The following CLDN14 variants were observed in gnomAD, a reference collection of about 807,000 sequenced individuals.
CLDN14 encodes the protein claudin-14.
A neutral mutation model predicts 2.1 loss-of-function variants in CLDN14; 2 were observed. The observed-to-expected ratio is 0.96, with a 90% CI of 0.39 to 3.01. The LOEUF is 3.01. CLDN14 is among the 30% of genes most tolerant of loss of function. CLDN14 has a pLI of 0.09. For missense variants in CLDN14, 298 were observed against 328.0 expected (o/e 0.91, Z 0.71); for synonymous variants, 136 against 154.4 (o/e 0.88, Z 0.88).
At position 36,504,818 on chromosome 21, in the gene CLDN14, A is replaced by G. The variant is rs983500920; in HGVS notation, c.-82+5545T>C. Among the ~76,000 whole-genome samples, 4 of 152,336 alleles carry G rather than the reference A, an allele frequency of 2.6e-5. No homozygotes were observed. In the South Asian group the frequency reaches 8.3e-4, roughly 32 times the overall value. ...TAAAACTTGAAGGAAAGAGTATGAC[A>G]TCTTCTGATTTGAAGACAGCAGATC... On this transcript the variant is annotated intron_variant, in intron 2 of 2. Transcript: ENST00000342108.
chr21:36,565,053 G>C (rs921723250), intron 1 of CLDN14, among the ~76,000 whole-genome samples: 1 of 152,234 alleles, frequency 6.6e-6, no homozygotes, highest in African/African-American at 2.4e-5. Context: ...CATTTGTGTA[G>C]TTTTAAGCCA....
chr21:36,481,086 A>G (rs1024997450), upstream of CLDN14: 1 of 152,212 alleles, frequency 6.6e-6, no homozygotes, highest in African/African-American at 2.4e-5. Context: ...AACAGTCACA[A>G]ACAAAAACAA....
intron 1 of CLDN14, among the ~76,000 whole-genome samples, chr21:36,467,635 A>G (rs868365445): frequency 5.5e-5 from 8 of 145,762 alleles, no homozygotes; most frequent in Non-Finnish European, 1.0e-4. Flanking sequence ...TAGTCAAATA[A>G]GTTTAATGGA....
chr21:36,486,287 A>G, intron 2 of CLDN14: 3 of 782,786 alleles, frequency 3.8e-6, no homozygotes, highest in East Asian at 2.5e-5. Context: ...GAAGTCCGGT[A>G]TGGCCAAACT....
At chr21:36,468,299 G>A (rs372233426) in intron 1 of CLDN14, among the ~76,000 whole-genome samples, 133 of 152,314 alleles carry the variant, frequency 8.7e-4, no homozygotes, top group African/African-American at 3.0e-3. Context: ...GCTTTAGGCT[G>A]GAGATGGTGG....
At position 36,498,739 on chromosome 21, in the gene CLDN14, C is replaced by T. The variant is rs1239224054; in HGVS notation, c.-82+11624G>A. 6.6e-6 allele frequency among the ~76,000 whole-genome samples: 1 copy of T among 152,196 alleles called. No homozygotes were observed. Among genetic ancestry groups the T allele is most frequent in the East Asian group, 1.9e-4 (1 of 5,186 alleles). On this transcript the variant is annotated intron_variant, in intron 2 of 2. Transcript: ENST00000342108. This position sits in a 1 kb window ranked among gnomAD's most constrained non-coding sequence, Gnocchi z 4.9. ...GCACCTCTCAGCTGGCCTTCAGCTC[C>T]AATACAGACACGGGAAAACCAGTCT...
intron 1 of CLDN14, among the ~76,000 whole-genome samples, chr21:36,522,131 C>T (rs892894655): frequency 6.6e-6 from 1 of 152,314 alleles, no homozygotes; most frequent in South Asian, 2.1e-4. Context: ...TCATAGCCCA[C>T]TCCCTGGCCC....
chr21:36,519,075 C>T (rs974152907), intron 1 of CLDN14, among the ~76,000 whole-genome samples: 4 of 152,212 alleles, frequency 2.6e-5, no homozygotes, highest in Non-Finnish European at 4.4e-5. Flanking sequence ...CTTCACACCA[C>T]GAGGACCTCA....
intron 1 of CLDN14, among the ~76,000 whole-genome samples, chr21:36,529,440 C>A (rs1195873439): frequency 6.6e-6 from 1 of 152,142 alleles, no homozygotes; most frequent in Non-Finnish European, 1.5e-5. Flanking sequence ...AGGCACCCAC[C>A]ACTACGCACA....
At chr21:36,555,907 A>G (rs1219462233) in intron 1 of CLDN14, among the ~76,000 whole-genome samples, 2 of 151,944 alleles carry the variant, frequency 1.3e-5, no homozygotes, top group Non-Finnish European at 2.9e-5. Flanking sequence ...CTTTTTGCAC[A>G]GTGAATCTGA....
At chr21:36,549,545 C>A (rs1182232632) in intron 1 of CLDN14, among the ~76,000 whole-genome samples, 1 of 152,188 alleles carries the variant, frequency 6.6e-6, no homozygotes, top group East Asian at 1.9e-4. Context: ...CTGTGGAGAA[C>A]AAATCACCTC....
intron 1 of CLDN14, among the ~76,000 whole-genome samples, chr21:36,546,996 C>A (rs1167445928): frequency 1.3e-5 from 2 of 152,166 alleles, no homozygotes; most frequent in African/African-American, 4.8e-5. Context: ...AGCGATGCTG[C>A]TCAATGCCCT....
intron 1 of CLDN14, among the ~76,000 whole-genome samples, chr21:36,519,482 G>A (rs918994157): frequency 1.3e-5 from 2 of 151,972 alleles, no homozygotes; most frequent in African/African-American, 2.4e-5. Flanking sequence ...AGGCTGAGGC[G>A]GGTGGATCAC....
intron 2 of CLDN14, among the ~76,000 whole-genome samples, chr21:36,507,492 G>T (rs1001898809): frequency 1.3e-5 from 2 of 152,190 alleles, no homozygotes; most frequent in Non-Finnish European, 2.9e-5. Context: ...GACCGGACGT[G>T]GTGGCTCACA....
At chr21:36,554,330 G>T (rs916004490) in intron 1 of CLDN14, among the ~76,000 whole-genome samples, 2 of 152,134 alleles carry the variant, frequency 1.3e-5, no homozygotes, top group Non-Finnish European at 1.5e-5. Flanking sequence ...CCTGCTGCAG[G>T]CCTGGTCCCT....
chr21:36,507,080 A>T (rs1321711952), intron 2 of CLDN14, among the ~76,000 whole-genome samples: 3 of 151,958 alleles, frequency 2.0e-5, no homozygotes, highest in African/African-American at 7.3e-5. Flanking sequence ...CTATGATCAC[A>T]CCACTGCACT....
At chr21:36,541,409 T>C (rs1029863254) in intron 1 of CLDN14, among the ~76,000 whole-genome samples, 1 of 152,168 alleles carries the variant, frequency 6.6e-6, no homozygotes, top group Non-Finnish European at 1.5e-5. Context: ...GAATCATATC[T>C]AAGTCCTAAT....
chr21:36,549,251 T>C (rs951105014), intron 1 of CLDN14, among the ~76,000 whole-genome samples: 3 of 144,202 alleles, frequency 2.1e-5, no homozygotes, highest in Non-Finnish European at 4.6e-5. Flanking sequence ...ACTTTTATAT[T>C]CCTTCATGTG....
intron 1 of CLDN14, among the ~76,000 whole-genome samples, chr21:36,522,490 C>T (rs2087278627): frequency 6.6e-6 from 1 of 152,158 alleles, no homozygotes; most frequent in Non-Finnish European, 1.5e-5. Context: ...GCCAGGAATT[C>T]CCTCCCCTCC....
Sources: allele counts gnomAD v4.1 joint callset (sites outside exome capture counted in the v4.1 genomes callset), GRCh38; gene constraint gnomAD v4.1.1; non-coding constraint Gnocchi (gnomAD v3.1); transcripts MANE v1.5; gene names NCBI Gene and HGNC (gene_info 2026-07-23, HGNC 2026-07-21).